Variants in IFNLR1 observed in about 807,000 individuals in gnomAD.
IFNLR1 encodes interferon lambda receptor 1.
A neutral mutation model predicts 52.5 loss-of-function variants in IFNLR1; 28 were observed. That is an observed-to-expected ratio of 0.53 (90% CI 0.40 to 0.73). The LOEUF is 0.73. Ranked by LOEUF, IFNLR1 falls within the 30% of genes least tolerant of loss-of-function variation. IFNLR1 has a pLI of 0.00. For synonymous variants in IFNLR1, 276 were observed against 274.9 expected (o/e 1.00, Z -0.04); for missense variants, 623 against 659.1 (o/e 0.95, Z 0.60).
intron 2 of IFNLR1, 69 bp from the exon 3 acceptor site, chr1:24,169,670 G>A: frequency 6.8e-7 from 1 of 1,478,946 alleles, no homozygotes; most frequent in Non-Finnish European, 9.2e-7. Context: ...TTAGAGAACA[G>A]TTGATCATGC....
In IFNLR1 at chr1:24,169,577, G is replaced by A. The variant is rs35682685; in HGVS notation, c.207C>T (p.Arg69=). The A allele has an allele frequency of 1.1e-3, 1,812 of 1,613,896 alleles. 22 individuals are homozygous for A. In the African/African-American group the frequency reaches 0.02, roughly 18 times the overall value. The change falls in exon 3 of 7, where the codon CGC becomes CGT. Residue 69 remains arginine, a synonymous_variant. Transcript: ENST00000327535. The part of the protein sequence containing the change: ...YQSSPTRRRW[R]EVEECAGTKE... Reference sequence around the variant, plus strand: ...TGGTTCCCGCACACTCTTCCACTTCGCGCCACCGTCTACGGGTGGGAGAGC... The same window carrying A: ...TGGTTCCCGCACACTCTTCCACTTCACGCCACCGTCTACGGGTGGGAGAGC...
Position 24,154,232 on chromosome 1 carries a change from T to A in IFNLR1, c.*2898A>T, listed in dbSNP as rs1013418702. On this transcript the variant is annotated 3_prime_UTR_variant, in exon 7 of 7. Transcript: ENST00000327535. ...AGGGTAATACCAACAAGCAGTAGGATATCGTTTAAATATGACATAAACATA... is the reference window on the plus strand; with the variant it reads ...AGGGTAATACCAACAAGCAGTAGGAAATCGTTTAAATATGACATAAACATA... 1 of 152,188 alleles carries A rather than the reference T, an allele frequency of 6.6e-6. No individual in the cohort carries two copies. Among genetic ancestry groups the A allele is most frequent in the Non-Finnish European group, 1.5e-5 (1 of 68,034 alleles). The allele number at this position is 152,188 out of a possible 1,614,324, so 9.4% of individuals were successfully genotyped here.
In IFNLR1 at chr1:24,166,413, C is replaced by CTCCT. The variant is rs1043464218; in HGVS notation, c.367+3000_367+3003dup. Among the ~76,000 whole-genome samples, 58 of 152,062 alleles carry CTCCT rather than the reference C, an allele frequency of 3.8e-4. 3 individuals carry two copies. Among genetic ancestry groups the CTCCT allele is most frequent in the African/African-American group, 1.4e-3 (57 of 41,500 alleles). ...TTCTACACATCCTTCCTTCTTGTCT[C>CTCCT]TCCTTCCTTCCTTCCTTGCTTCTCC... is the stretch of plus-strand genomic sequence containing the variant. On this transcript the variant is annotated intron_variant, in intron 3 of 6. Coordinates refer to ENST00000327535, the MANE Select transcript of IFNLR1 (RefSeq NM_170743.4).
intron 4 of IFNLR1, among the ~76,000 whole-genome samples, chr1:24,160,859 C>G (rs1644434952): frequency 6.6e-6 from 1 of 151,860 alleles, no homozygotes; most frequent in African/African-American, 2.4e-5. Context: ...TCCCAAGCAG[C>G]TGGGACCACA....
chr1:24,175,930 GT>G (rs200390029), intron 2 of IFNLR1, among the ~76,000 whole-genome samples: 13,271 of 141,554 alleles, frequency 0.094, 1,634 homozygotes, highest in African/African-American at 0.29. Flanking sequence ...GCAAAACTCT[GT>G]TTCAAAAAAA....
intron 2 of IFNLR1, among the ~76,000 whole-genome samples, chr1:24,179,013 T>C (rs1432743565): frequency 6.6e-6 from 1 of 152,106 alleles, no homozygotes; most frequent in Non-Finnish European, 1.5e-5. Context: ...TGATCTCAGC[T>C]CACTGCAACC....
At chr1:24,168,605 C>G (rs1644543259) in intron 3 of IFNLR1, among the ~76,000 whole-genome samples, 1 of 151,480 alleles carries the variant, frequency 6.6e-6, no homozygotes, top group Admixed American at 6.6e-5. Context: ...AAAAAAAGTG[C>G]CCTCCTCACC....
rs145287689 is a variant in IFNLR1 at position 24,183,774 on chromosome 1, G to C, written c.59-2920C>G. On this transcript the variant is annotated intron_variant, in intron 1 of 6. Coordinates refer to ENST00000327535, the MANE Select transcript of IFNLR1 (RefSeq NM_170743.4). ...AGGCAGAGTCTTATGCTGCCACCCA[G>C]GCTGGAGTACAGTGGCACAATCTCA... 3.0e-3 allele frequency among the ~76,000 whole-genome samples: 460 copies of C among 152,270 alleles called. 2 individuals carry two copies. The highest frequency in any genetic ancestry group is 9.9e-3 in the African/African-American group (411 of 41,546).
In IFNLR1 at chr1:24,156,823, G is replaced by T; in HGVS notation, c.*307C>A. On this transcript the variant is annotated 3_prime_UTR_variant, in exon 7 of 7. Coordinates refer to ENST00000327535, the MANE Select transcript of IFNLR1 (RefSeq NM_170743.4). ...CCTCACCTGTTTCATGTTGTCCGGG[G>T]ATAATTTTTCCCCCTGGCCTGTCAC... 2.5e-6 allele frequency: 1 copy of T among 397,804 alleles called. No individual in the cohort carries two copies. Among genetic ancestry groups the T allele is most frequent in the Non-Finnish European group, 4.5e-6 (1 of 221,716 alleles). 24.6% of individuals were successfully genotyped at this position (397,804 alleles called of 1,614,324 possible).
At chr1:24,183,771 C>T (rs1176661510) in intron 1 of IFNLR1, among the ~76,000 whole-genome samples, 1 of 152,124 alleles carries the variant, frequency 6.6e-6, no homozygotes, top group Non-Finnish European at 1.5e-5. Flanking sequence ...ATGCTGCCAC[C>T]CAGGCTGGAG....
intron 2 of IFNLR1, among the ~76,000 whole-genome samples, chr1:24,173,491 A>G (rs1644601975): frequency 6.6e-6 from 1 of 152,206 alleles, no homozygotes; most frequent in East Asian, 1.9e-4. Context: ...TGTTGGTGGC[A>G]ATGAACAATG....
At position 24,165,051 on chromosome 1, in the gene IFNLR1, C is replaced by A. The variant is rs184354616; in HGVS notation, c.368-3367G>T. Among the ~76,000 whole-genome samples the A allele has an allele frequency of 8.9e-4, 135 of 152,336 alleles. 1 individual carries two copies. Among genetic ancestry groups the A allele is most frequent in the African/African-American group, 3.1e-3 (130 of 41,576 alleles). On this transcript the variant is annotated intron_variant, in intron 3 of 6. Coordinates refer to ENST00000327535, the MANE Select transcript of IFNLR1 (RefSeq NM_170743.4). ...GTGCTGGGATTACAGGCATGAGCCACTGTGCCCAGCTACAATCTCTTAATT... is the reference window on the plus strand; with the variant it reads ...GTGCTGGGATTACAGGCATGAGCCAATGTGCCCAGCTACAATCTCTTAATT...
At position 24,157,552 on chromosome 1, in the gene IFNLR1, A is replaced by T. The variant is rs1483653545; in HGVS notation, c.1141T>A (p.Ser381Thr). The T allele has an allele frequency of 6.2e-7, 1 of 1,612,198 alleles. No homozygotes were observed. Among genetic ancestry groups the T allele is most frequent in the Non-Finnish European group, 8.5e-7 (1 of 1,179,128 alleles). The change falls in exon 7 of 7, where the codon TCT becomes ACT. Residue 381 changes from serine (S) to threonine (T), a missense_variant. Physicochemically the swap from Ser to Thr is moderately conservative, Grantham distance 58 (BLOSUM62 1). Coordinates refer to ENST00000327535, the MANE Select transcript of IFNLR1 (RefSeq NM_170743.4). This position sits in a 1 kb window ranked among gnomAD's most constrained non-coding sequence, Gnocchi z 5.1. ...RAPLVPSEGSSAWDSSDRSWA... is the reference protein window; with the variant it reads ...RAPLVPSEGSTAWDSSDRSWA... Reference sequence around the variant, plus strand: ...CTTCTGTCTGAAGAATCCCAAGCAGAGGAGCCTTCGCTTGGGACCAGAGGA... The same window carrying T: ...CTTCTGTCTGAAGAATCCCAAGCAGTGGAGCCTTCGCTTGGGACCAGAGGA...
rs938301827 is a variant in IFNLR1, at chr1:24,159,517, G to A, written c.627C>T (p.Tyr209=). ...RTIYTFSVPK[Y]SKFSKPTCFL... is the part of the protein sequence containing the mutation. ...AGCAGGTGGGCTTAGAGAACTTGCT[G>A]TATTTCGGGACACTGAACGTGTAGA... Residue 209 remains tyrosine (Y), a synonymous_variant, in exon 5 of 7, where the codon TAC becomes TAT. Coordinates refer to ENST00000327535, the MANE Select transcript of IFNLR1 (RefSeq NM_170743.4). 3 of 1,614,186 alleles carry A rather than the reference G, an allele frequency of 1.9e-6. No individual in the cohort carries two copies. Among genetic ancestry groups the A allele is most frequent in the Admixed American group, 3.3e-5 (2 of 60,026 alleles).
intron 2 of IFNLR1, among the ~76,000 whole-genome samples, chr1:24,174,328 CA>C (rs1188205220): frequency 3.3e-5 from 5 of 152,194 alleles, no homozygotes; most frequent in Non-Finnish European, 7.3e-5. Flanking sequence ...CCTAGCAAAC[CA>C]GTGCAGATTT....
chr1:24,184,681 C>T (rs1439307832), intron 1 of IFNLR1, among the ~76,000 whole-genome samples: 1 of 152,158 alleles, frequency 6.6e-6, no homozygotes, highest in African/African-American at 2.4e-5. Context: ...TCTTCCTTGA[C>T]ATATCTACGA....
intron 2 of IFNLR1, among the ~76,000 whole-genome samples, chr1:24,173,477 G>A (rs193122147): frequency 6.6e-6 from 1 of 152,248 alleles, no homozygotes; most frequent in East Asian, 1.9e-4. Context: ...GAACTCTCAT[G>A]TATTGTTGGT....
At chr1:24,181,801 T>C (rs1346537334) in intron 1 of IFNLR1, among the ~76,000 whole-genome samples, 1 of 152,104 alleles carries the variant, frequency 6.6e-6, no homozygotes, top group African/African-American at 2.4e-5. Flanking sequence ...AACTTGGACA[T>C]GGATCAGACA....
Position 24,159,101 on chromosome 1 carries a change from G to T in IFNLR1, c.752C>A (p.Thr251Asn). ...CTGAAACCAGGGGTTCCCCATGAGG[G>T]TCTTCCAGATCACACCCCCTGCGGC... The part of the protein sequence containing the change: ...VIAAGGVIWK[T>N]LMGNPWFQRA... Residue 251 changes from threonine (T) to asparagine (N), a missense_variant, in exon 6 of 7, where the codon ACC (threonine) becomes AAC (asparagine). Coordinates refer to ENST00000327535, the MANE Select transcript of IFNLR1 (RefSeq NM_170743.4). The T allele has an allele frequency of 6.2e-7, 1 of 1,614,112 alleles. No homozygotes were observed. The highest frequency in any genetic ancestry group is 2.2e-5 in the East Asian group (1 of 44,868).
Sources: gnomAD v4.1 joint callset for allele counts (sites outside exome capture counted in the v4.1 genomes callset) on GRCh38, gnomAD v4.1.1 for gene constraint, Gnocchi (gnomAD v3.1) non-coding constraint, MANE v1.5 for transcripts, NCBI Gene and HGNC (gene_info 2026-07-23, HGNC 2026-07-21) for gene names.